The following PLCG2 variants were observed in gnomAD, a reference collection of about 807,000 sequenced individuals.
The protein encoded by PLCG2 is 1-phosphatidylinositol 4,5-bisphosphate phosphodiesterase gamma-2.
Under a neutral mutation model 175.6 loss-of-function variants are expected in PLCG2, and 69 were observed. That is an observed-to-expected ratio of 0.39 (90% CI 0.32 to 0.48). The LOEUF (loss-of-function observed/expected upper bound fraction) is 0.48, where lower values mean the gene tolerates loss of function less well. Among genes scored for constraint, PLCG2 ranks in the 20% least tolerant of loss-of-function variants. The pLI, the probability that PLCG2 is intolerant of heterozygous loss-of-function variation, is 0.91. For synonymous variants in PLCG2, 827 were observed against 624.0 expected (o/e 1.33, Z -4.85); for missense variants, 1,798 against 1,650.9 (o/e 1.09, Z -1.54).
At chr16:81,797,431 C>G (rs945281852) in intron 2 of PLCG2, among the ~76,000 whole-genome samples, 2 of 152,180 alleles carry the variant, frequency 1.3e-5, no homozygotes, top group Non-Finnish European at 2.9e-5. Context: ...AATCAGAAAT[C>G]CTGGGGTTGA....
intron 5 of PLCG2, among the ~76,000 whole-genome samples, chr16:81,859,525 G>A (rs1310249822): frequency 6.6e-6 from 1 of 151,464 alleles, no homozygotes; most frequent in African/African-American, 2.4e-5. Context: ...CCGTGAAGAA[G>A]TAAACCAGGT....
At chr16:81,743,829 G>A (rs931165309) in intron 1 of PLCG2, among the ~76,000 whole-genome samples, 26 of 151,966 alleles carry the variant, frequency 1.7e-4, no homozygotes, top group African/African-American at 5.5e-4. Context: ...TTGGTTTTCA[G>A]TTACATGAGG....
At chr16:81,954,702 G>A (rs1373779281) in intron 31 of PLCG2, among the ~76,000 whole-genome samples, 2 of 152,146 alleles carry the variant, frequency 1.3e-5, no homozygotes, top group African/African-American at 4.8e-5. Flanking sequence ...GTATTCCATG[G>A]TGTATATGTA....
chr16:81,923,286 G>GTTCTCC, intron 21 of PLCG2, 199 bp from the exon 22 acceptor site: 1 of 547,782 alleles, frequency 1.8e-6, no homozygotes, highest in Non-Finnish European at 3.3e-6. Flanking sequence ...GACTAGGCCA[G>GTTCTCC]TTCTCCTTCA....
chr16:81,876,342 A>T (rs959741838), intron 7 of PLCG2, among the ~76,000 whole-genome samples: 1 of 152,040 alleles, frequency 6.6e-6, no homozygotes, highest in East Asian at 1.9e-4. Context: ...TATTGATGAG[A>T]TTTTACCCTT....
intron 31 of PLCG2, among the ~76,000 whole-genome samples, chr16:81,955,861 G>A (rs1196102046): frequency 2.6e-5 from 4 of 152,226 alleles, no homozygotes; most frequent in Non-Finnish European, 5.9e-5. Flanking sequence ...TCTGCAAGAT[G>A]TAATTTATGA....
At chr16:81,797,229 G>A (rs926418530) in intron 2 of PLCG2, among the ~76,000 whole-genome samples, 1 of 152,054 alleles carries the variant, frequency 6.6e-6, no homozygotes, top group African/African-American at 2.4e-5. Context: ...TAGGGATTGT[G>A]CTGAGTTGGG....
Position 81,961,965 on chromosome 16 carries a change from T to C in PLCG2, c.*3967T>C, listed in dbSNP as rs1435446785. 9 of 197,160 alleles carry C rather than the reference T, an allele frequency of 4.6e-5. No individual in the cohort carries two copies. Among genetic ancestry groups the C allele is most frequent in the East Asian group, 2.4e-4 (3 of 12,410 alleles). 12.2% of individuals were successfully genotyped at this position (197,160 alleles called of 1,614,324 possible). On this transcript the variant is annotated 3_prime_UTR_variant, in exon 33 of 33. Transcript: ENST00000564138. Reference sequence around the variant, plus strand: ...TCTGGCTGCGACATCTGTCACCCCATTGATCGCCAGGGTTGATTCGGCTGA... The same window carrying C: ...TCTGGCTGCGACATCTGTCACCCCACTGATCGCCAGGGTTGATTCGGCTGA...
At position 81,793,718 on chromosome 16, in the gene PLCG2, T is replaced by C. The variant is rs190625097; in HGVS notation, c.193+7536T>C. Among the ~76,000 whole-genome samples the C allele has an allele frequency of 1.4e-3, 216 of 152,326 alleles. 4 individuals are homozygous for C. In the South Asian group the frequency reaches 0.018, roughly 13 times the overall value. ...GTTGATGAGAGCCTCTTCTAATGAA[T>C]GCTCACTGTGTCCTAGTCTCTGTGA... On this transcript the variant is annotated intron_variant, in intron 2 of 32. Transcript: ENST00000564138.
chr16:81,760,927 A>T (rs967849050), intron 2 of PLCG2, among the ~76,000 whole-genome samples: 1 of 152,046 alleles, frequency 6.6e-6, no homozygotes, highest in Admixed American at 6.6e-5. Flanking sequence ...GTTTGAGGAC[A>T]GAGTTTCACT....
chr16:81,951,453 T>C (rs1911362029), intron 31 of PLCG2, among the ~76,000 whole-genome samples: 1 of 152,122 alleles, frequency 6.6e-6, no homozygotes, highest in African/African-American at 2.4e-5. Context: ...ACCTATTAGA[T>C]AAAACAGGTT....
intron 28 of PLCG2, 28 bp from the exon 29 acceptor site, chr16:81,938,773 G>GT: frequency 1.4e-6 from 2 of 1,435,676 alleles, no homozygotes; most frequent in Non-Finnish European, 2.0e-6. Context: ...CCCCAGGGGG[G>GT]TTCCAATGCT....
At chr16:81,813,784 A>G (rs1200130385) in intron 2 of PLCG2, among the ~76,000 whole-genome samples, 2 of 152,108 alleles carry the variant, frequency 1.3e-5, no homozygotes, top group East Asian at 1.9e-4. Context: ...TTCTGTGGCT[A>G]GTTTGGGCTT....
chr16:81,923,420 A>T, intron 21 of PLCG2, 65 bp from the exon 22 acceptor site: 2 of 942,188 alleles, frequency 2.1e-6, no homozygotes, highest in South Asian at 2.8e-5. Flanking sequence ...GGTACCTGGG[A>T]ACGCAGCCGC....
At chr16:81,864,874 A>G (rs1053561186) in intron 5 of PLCG2, among the ~76,000 whole-genome samples, 3 of 152,108 alleles carry the variant, frequency 2.0e-5, no homozygotes, top group Non-Finnish European at 4.4e-5. Context: ...GCTGTCTGCC[A>G]TGGGAGAGGG....
intron 2 of PLCG2, among the ~76,000 whole-genome samples, chr16:81,765,048 A>G (rs192375645): frequency 5.5e-5 from 8 of 145,926 alleles, no homozygotes; most frequent in African/African-American, 2.0e-4. Context: ...TGATCACCCC[A>G]TTGCACTCCA....
At chr16:81,919,260 C>G (rs1410743078) in intron 19 of PLCG2, among the ~76,000 whole-genome samples, 4 of 152,160 alleles carry the variant, frequency 2.6e-5, no homozygotes, top group Non-Finnish European at 4.4e-5. Context: ...TTGAGTCACT[C>G]GGCCATATTT....
chr16:81,756,747 T>G (rs1168715515), intron 2 of PLCG2, among the ~76,000 whole-genome samples: 2 of 152,144 alleles, frequency 1.3e-5, no homozygotes, highest in African/African-American at 4.8e-5. Flanking sequence ...AGAGAGACAG[T>G]GAGTTGCCCA....
chr16:81,958,143 C>G lies in PLCG2; in HGVS notation c.*145C>G, dbSNP rs1029846381. The G allele has an allele frequency of 1.5e-6, 1 of 654,180 alleles. No individual in the cohort carries two copies. The highest frequency in any genetic ancestry group is 1.8e-5 in the African/African-American group (1 of 55,406). The allele number at this position is 654,180 out of a possible 1,614,324, so 40.5% of individuals were successfully genotyped here. On this transcript the variant is annotated 3_prime_UTR_variant, in exon 33 of 33. Transcript: ENST00000564138. ...GCCATCAAGGACATTTCTTAAGACC[C>G]AACTGGCATGAGTTGGGGTAATTTC...
Sources: gnomAD v4.1 joint callset for allele counts (sites outside exome capture counted in the v4.1 genomes callset) on GRCh38, gnomAD v4.1.1 for gene constraint, MANE v1.5 for transcripts, NCBI Gene and HGNC (gene_info 2026-07-23, HGNC 2026-07-21) for gene names.